THBS4: variants seen among roughly 807,000 people sequenced by gnomAD.
THBS4 encodes thrombospondin 4.
THBS4 carries 90 observed loss-of-function variants against 115.7 expected under a neutral mutation model. The ratio of observed to expected loss-of-function variants is 0.78; its 90% CI spans 0.66 to 0.93. The LOEUF (loss-of-function observed/expected upper bound fraction) is 0.93, where lower values mean the gene tolerates loss of function less well. Ranked by LOEUF, THBS4 falls within the 40% of genes least tolerant of loss-of-function variation. THBS4 has a pLI of 0.00. For missense variants in THBS4, 1,087 were observed against 1,232.7 expected (o/e 0.88, Z 1.77); for synonymous variants, 460 against 479.3 (o/e 0.96, Z 0.53).
At chr5:80,011,467 G>T (rs1172361009) in intron 2 of THBS4, among the ~76,000 whole-genome samples, 2 of 152,134 alleles carry the variant, frequency 1.3e-5, no homozygotes, top group African/African-American at 2.4e-5. Context: ...AGGGAGAAGG[G>T]ATACTGGGGA....
intron 2 of THBS4, among the ~76,000 whole-genome samples, chr5:80,011,315 A>G (rs936096090): frequency 5.3e-5 from 8 of 152,150 alleles, no homozygotes; most frequent in African/African-American, 1.9e-4. Context: ...CAGCATGAGA[A>G]CAGACTAATA....
intron 2 of THBS4, among the ~76,000 whole-genome samples, chr5:80,022,568 A>ATTTT (rs1832399101): frequency 6.6e-6 from 1 of 152,234 alleles, no homozygotes; most frequent in African/African-American, 2.4e-5. Flanking sequence ...CCTTTCAATT[A>ATTTT]CACAGTTGAA....
chr5:80,072,412 G>C lies in THBS4; in HGVS notation c.1839+16G>C, dbSNP rs1224007758. On this transcript the variant is annotated intron_variant, in intron 14 of 21. Transcript: ENST00000350881. Reference sequence around the variant, plus strand: ...CCCTAACCAGGTTAGTAGGATACTGGGGAATTCAAACTCCAGGCTGAATTC... The same window carrying C: ...CCCTAACCAGGTTAGTAGGATACTGCGGAATTCAAACTCCAGGCTGAATTC... The C allele has an allele frequency of 6.2e-7, 1 of 1,602,962 alleles. No homozygotes were observed.
intron 19 of THBS4, 105 bp from the exon 20 acceptor site, chr5:80,079,800 C>T (rs1033996256): frequency 1.8e-5 from 22 of 1,244,838 alleles, no homozygotes; most frequent in South Asian, 2.9e-5. Context: ...CCAAGGCAGC[C>T]GGATTATAAC....
At chr5:79,992,623 T>G (rs1831706668) in intron 1 of THBS4, among the ~76,000 whole-genome samples, 1 of 152,248 alleles carries the variant, frequency 6.6e-6, no homozygotes, top group South Asian at 2.1e-4. Flanking sequence ...AAACATTTAT[T>G]GAGCAGCTCC....
At chr5:79,998,672 G>A (rs562000970) in intron 2 of THBS4, among the ~76,000 whole-genome samples, 5 of 152,252 alleles carry the variant, frequency 3.3e-5, no homozygotes, top group African/African-American at 1.2e-4. Flanking sequence ...AAACATCCCT[G>A]TACATTTATT....
At chr5:80,041,775 T>A (rs1473987521) in intron 2 of THBS4, among the ~76,000 whole-genome samples, 1 of 152,228 alleles carries the variant, frequency 6.6e-6, no homozygotes, top group East Asian at 1.9e-4. Context: ...AGATGCGTGT[T>A]CCTGCTGCTT....
At chr5:80,081,533 G>A (rs987423850) in intron 20 of THBS4, among the ~76,000 whole-genome samples, 1 of 152,172 alleles carries the variant, frequency 6.6e-6, no homozygotes, top group Non-Finnish European at 1.5e-5. Flanking sequence ...GAATCACTAC[G>A]AAGGTGACAT....
chr5:80,059,216 G>T (rs1434138550), intron 5 of THBS4, among the ~76,000 whole-genome samples: 3 of 151,822 alleles, frequency 2.0e-5, no homozygotes, highest in Non-Finnish European at 2.9e-5. Flanking sequence ...TATAATCCCA[G>T]CTACTCAGGA....
intron 1 of THBS4, among the ~76,000 whole-genome samples, chr5:80,037,809 C>A (rs1021622814): frequency 6.6e-6 from 1 of 152,132 alleles, no homozygotes; most frequent in Admixed American, 6.5e-5. Flanking sequence ...TTTCCCTTTG[C>A]CCTCATTAGT....
At chr5:80,027,732 CA>C (rs199797654) in intron 2 of THBS4, among the ~76,000 whole-genome samples, 1 of 148,724 alleles carries the variant, frequency 6.7e-6, no homozygotes, top group Non-Finnish European at 1.5e-5. Context: ...CCCATTTCGA[CA>C]AAAAAAAATA....
upstream of THBS4, among the ~76,000 whole-genome samples, chr5:80,030,470 C>A (rs564276851): frequency 6.6e-5 from 10 of 152,058 alleles, no homozygotes; most frequent in Non-Finnish European, 1.3e-4. Flanking sequence ...CGGGTTCAAG[C>A]GATTCTCCTG....
intron 2 of THBS4, among the ~76,000 whole-genome samples, chr5:80,047,975 C>G (rs867107831): frequency 6.6e-6 from 1 of 152,036 alleles, no homozygotes; most frequent in African/African-American, 2.4e-5. Context: ...ATTAGCCTGG[C>G]TCGCTGGTAC....
chr5:80,080,267 C>T, intron 20 of THBS4, 190 bp downstream of exon 20: 2 of 652,016 alleles, frequency 3.1e-6, no homozygotes, highest in Non-Finnish European at 2.6e-6. Flanking sequence ...GTCAGACCAC[C>T]CGGACAGGAC....
intron 2 of THBS4, among the ~76,000 whole-genome samples, chr5:80,008,702 G>T (rs775181036): frequency 1.3e-5 from 2 of 152,058 alleles, no homozygotes; most frequent in Admixed American, 1.3e-4. Context: ...GTTGTGAGGG[G>T]CTCTCGTACA....
intron 2 of THBS4, among the ~76,000 whole-genome samples, chr5:80,029,003 C>T (rs1398773424): frequency 6.6e-6 from 1 of 152,118 alleles, no homozygotes; most frequent in Non-Finnish European, 1.5e-5. Context: ...TAAAATCCCT[C>T]GATGTGACAG....
intron 20 of THBS4, among the ~76,000 whole-genome samples, chr5:80,080,753 A>ATTTTTGTATTTT (rs1211801463): frequency 6.6e-6 from 1 of 151,364 alleles, no homozygotes; most frequent in Non-Finnish European, 1.5e-5. Context: ...CGCCAGGCTA[A>ATTTTTGTATTTT]TTTTTGTATT....
chr5:80,018,967 A>C (rs1355721448), intron 2 of THBS4, among the ~76,000 whole-genome samples: 1 of 150,668 alleles, frequency 6.6e-6, no homozygotes, highest in African/African-American at 2.4e-5. Context: ...AGAACTGGTT[A>C]AAGTTGGTGT....
chr5:80,051,519 G>A (rs905441252), intron 2 of THBS4, among the ~76,000 whole-genome samples: 23 of 152,068 alleles, frequency 1.5e-4, no homozygotes, highest in Admixed American at 1.3e-3. Context: ...CCTTCCCTGC[G>A]TTTTCTTTTG....
Sources: allele counts gnomAD v4.1 joint callset (sites outside exome capture counted in the v4.1 genomes callset), GRCh38; gene constraint gnomAD v4.1.1; transcripts MANE v1.5; gene names NCBI Gene and HGNC (gene_info 2026-07-23, HGNC 2026-07-21).